KALRN: variants seen among roughly 807,000 people sequenced by gnomAD.
KALRN encodes kalirin RhoGEF kinase, also known as kalirin.
A neutral mutation model predicts 353.7 loss-of-function variants in KALRN; 70 were observed. The ratio of observed to expected loss-of-function variants is 0.20; its 90% CI spans 0.16 to 0.24. KALRN has a LOEUF of 0.24. Among genes scored for constraint, KALRN ranks in the 10% least tolerant of loss-of-function variants. The pLI is 1.00. For synonymous variants in KALRN, 1,391 were observed against 1,434.8 expected, an observed-to-expected ratio of 0.97 and a Z score of 0.69; for missense variants, 2,791 against 3,756.7, an observed-to-expected ratio of 0.74 and a Z score of 6.72.
intron 38 of KALRN, among the ~76,000 whole-genome samples, chr3:124,652,087 C>T (rs540056285): frequency 1.3e-5 from 2 of 152,304 alleles, no homozygotes; most frequent in South Asian, 4.2e-4. Flanking sequence ...GTTAATTAGC[C>T]TGCCTTTCTC....
At chr3:124,220,194 G>A (rs929503264) in intron 1 of KALRN, among the ~76,000 whole-genome samples, 1 of 152,028 alleles carries the variant, frequency 6.6e-6, no homozygotes, top group East Asian at 1.9e-4. Flanking sequence ...CTGCCCACTT[G>A]GGCCTCCCAA....
chr3:124,522,698 C>G (rs2067263728), intron 33 of KALRN, among the ~76,000 whole-genome samples: 1 of 152,138 alleles, frequency 6.6e-6, no homozygotes, highest in Admixed American at 6.6e-5. Context: ...CTAACAAATT[C>G]CCAGGTAATG....
intron 35 of KALRN, 47 bp from the exon 36 acceptor site, chr3:124,633,805 G>A (rs780766515): frequency 6.5e-7 from 1 of 1,529,816 alleles, no homozygotes; most frequent in South Asian, 1.1e-5. Context: ...CAGAACCACT[G>A]GCATGTTTGT....
At chr3:124,330,041 G>C in intron 8 of KALRN, 49 bp downstream of exon 8, 1 of 1,599,604 alleles carries the variant, frequency 6.3e-7, no homozygotes, top group Non-Finnish European at 8.5e-7. Context: ...TCTGCATGTG[G>C]GTGGGTGATG....
chr3:124,141,868 G>A (rs2066665293), intron 1 of KALRN, among the ~76,000 whole-genome samples: 1 of 152,134 alleles, frequency 6.6e-6, no homozygotes, highest in Admixed American at 6.5e-5. Context: ...CAGCATCTCA[G>A]AGAAGCAGTG....
chr3:124,429,200 A>G (rs1002609142), intron 15 of KALRN, among the ~76,000 whole-genome samples: 17 of 152,176 alleles, frequency 1.1e-4, no homozygotes, highest in East Asian at 9.6e-4. Context: ...CTCATCTACA[A>G]TCTGCTAGCT....
At chr3:124,533,416 C>A (rs1228408550) in intron 33 of KALRN, among the ~76,000 whole-genome samples, 1 of 151,970 alleles carries the variant, frequency 6.6e-6, no homozygotes, top group Admixed American at 6.6e-5. Flanking sequence ...CCGAGTTGAG[C>A]AGATTGCTTG....
Position 124,455,271 on chromosome 3 carries a change from C to A in KALRN, c.3647C>A (p.Thr1216Asn), listed in dbSNP as rs201801993. ...GCCACGGAGATAAGGAAATGGGTGACCACGGTGGACAAGCACTACAGAGAT... is the reference window on the plus strand; with the variant it reads ...GCCACGGAGATAAGGAAATGGGTGAACACGGTGGACAAGCACTACAGAGAT... ...IHATEIRKWVTTVDKHYRDFS... is the reference protein window; with the variant it reads ...IHATEIRKWVNTVDKHYRDFS... The change falls in exon 22 of 60, where the codon ACC (threonine) becomes AAC (asparagine). Residue 1216 changes from threonine (T) to asparagine (N), a missense_variant. By Grantham distance (65) the Thr-to-Asn change is moderately conservative. This residue lies in a region of KALRN where 268 missense variants were observed against 347.0 expected (regional missense o/e 0.77). Transcript: ENST00000682506. The A allele has an allele frequency of 1.2e-6, 2 of 1,614,088 alleles. No individual in the cohort carries two copies. The highest frequency in any genetic ancestry group is 2.7e-5 in the African/African-American group (2 of 75,012).
chr3:124,534,932 C>T (rs796925933), intron 33 of KALRN, among the ~76,000 whole-genome samples: 14 of 152,106 alleles, frequency 9.2e-5, no homozygotes, highest in African/African-American at 2.4e-4. Flanking sequence ...AGTTTCCAGG[C>T]GTCAATGCGG....
chr3:124,161,040 T>C lies in KALRN; in HGVS notation c.74-66950T>C, dbSNP rs192141672. Reference sequence around the variant, plus strand: ...GAGATGATGAAGTTCTAGAGATGGCTGGTGGTGATGGTTGCACAACAATGT... The same window carrying C: ...GAGATGATGAAGTTCTAGAGATGGCCGGTGGTGATGGTTGCACAACAATGT... On this transcript the variant is annotated intron_variant, in intron 1 of 59. Transcript: ENST00000682506. Among the ~76,000 whole-genome samples, 226 of 152,296 alleles carry C rather than the reference T, an allele frequency of 1.5e-3. 1 individual carries two copies. The highest frequency in any genetic ancestry group is 5.1e-3 in the African/African-American group (213 of 41,574).
chr3:124,544,492 C>T (rs1000899170), intron 33 of KALRN, among the ~76,000 whole-genome samples: 3 of 152,102 alleles, frequency 2.0e-5, no homozygotes, highest in Non-Finnish European at 2.9e-5. Context: ...ACCCGGGAGG[C>T]GGAGGTTGCA....
At chr3:124,040,897 T>A (rs2039895155) in intron 1 of KALRN, among the ~76,000 whole-genome samples, 1 of 152,214 alleles carries the variant, frequency 6.6e-6, no homozygotes. Flanking sequence ...TGACATGGGA[T>A]GCAAGAGGGT....
chr3:124,172,895 T>G (rs1054879520), intron 1 of KALRN, among the ~76,000 whole-genome samples: 3 of 152,162 alleles, frequency 2.0e-5, no homozygotes, highest in Non-Finnish European at 2.9e-5. Flanking sequence ...TATTTCCTCA[T>G]TGACCAATCT....
At chr3:124,496,516 T>G (rs2063868228) in intron 33 of KALRN, 103 bp downstream of exon 33, 1 of 815,564 alleles carries the variant, frequency 1.2e-6, no homozygotes, top group Non-Finnish European at 2.1e-6. Flanking sequence ...GATCCTACCT[T>G]CAGGAGCCAG....
At chr3:124,455,629 C>G (rs1445198526) in intron 22 of KALRN, among the ~76,000 whole-genome samples, 2 of 152,258 alleles carry the variant, frequency 1.3e-5, no homozygotes, top group African/African-American at 4.8e-5. Context: ...CAGAGTTTTT[C>G]TCTGTATAGA....
At chr3:124,518,960 G>A in intron 33 of KALRN, 1 of 990,292 alleles carries the variant, frequency 1.0e-6, no homozygotes, top group Non-Finnish European at 1.2e-6. Context: ...CACATCATGA[G>A]AAAGAGGGAA....
intron 1 of KALRN, among the ~76,000 whole-genome samples, chr3:124,040,127 G>T (rs956123280): frequency 2.0e-5 from 3 of 152,148 alleles, no homozygotes; most frequent in African/African-American, 7.2e-5. Flanking sequence ...CTGTCCAGTC[G>T]TATTTGATAA....
At chr3:124,368,872 A>G (rs1159088526) in intron 10 of KALRN, among the ~76,000 whole-genome samples, 1 of 152,232 alleles carries the variant, frequency 6.6e-6, no homozygotes, top group East Asian at 1.9e-4. Flanking sequence ...CCGGCCGGCC[A>G]ACACAGCGAA....
intron 1 of KALRN, among the ~76,000 whole-genome samples, chr3:124,175,513 AG>A (rs1211242934): frequency 1.8e-5 from 2 of 108,118 alleles, no homozygotes; most frequent in Non-Finnish European, 3.7e-5. Flanking sequence ...AAATGTGTAC[AG>A]CCAAGTGTCC....
Sources: allele counts gnomAD v4.1 joint callset (sites outside exome capture counted in the v4.1 genomes callset), GRCh38; gene constraint gnomAD v4.1.1; regional missense constraint gnomAD v4.1.1; transcripts MANE v1.5; gene names NCBI Gene and HGNC (gene_info 2026-07-23, HGNC 2026-07-21).